FBXL13: variants seen among roughly 807,000 people sequenced by gnomAD.
The protein encoded by FBXL13 is F-box and leucine rich repeat protein 13.
A neutral mutation model predicts 83.6 loss-of-function variants in FBXL13; 67 were observed. That is an observed-to-expected ratio of 0.80 (90% CI 0.66 to 0.98). The LOEUF is 0.98. FBXL13 is among the 50% of genes least tolerant of loss of function. FBXL13 has a pLI of 0.00. For missense variants in FBXL13, 822 were observed against 866.5 expected (o/e 0.95, Z 0.64); for synonymous variants, 272 against 299.5 (o/e 0.91, Z 0.95).
intron 11 of FBXL13, among the ~76,000 whole-genome samples, chr7:102,887,916 A>G (rs1285976840): frequency 6.6e-6 from 1 of 152,186 alleles, no homozygotes; most frequent in Admixed American, 6.5e-5. Flanking sequence ...CAAATTTTCT[A>G]CAGTGACCAT....
At chr7:103,024,249 G>A (rs1259560720) in intron 6 of FBXL13, among the ~76,000 whole-genome samples, 1 of 151,388 alleles carries the variant, frequency 6.6e-6, no homozygotes, top group Non-Finnish European at 1.5e-5. Flanking sequence ...GTCATCAGCC[G>A]GGTGTGGTGG....
chr7:103,024,929 C>T (rs536912969), intron 6 of FBXL13, 134 bp downstream of exon 7: 28 of 288,884 alleles, frequency 9.7e-5, no homozygotes, highest in African/African-American at 2.3e-4. Flanking sequence ...GGTGTGATCT[C>T]GGCTCACTGC....
chr7:103,066,830 T>G lies in FBXL13; in HGVS notation c.-105+7416A>C, dbSNP rs559921837. 6.6e-5 allele frequency among the ~76,000 whole-genome samples: 10 copies of G among 151,784 alleles called. No individual in the cohort carries two copies. The East Asian group carries it at 1.7e-3, about 26-fold the overall frequency. Reference sequence around the variant, plus strand: ...TTTTGAGATGGAGTTTCGCTCTCATTGCCCAGGCTGGAGTGCAATGGCGTG... The same window carrying G: ...TTTTGAGATGGAGTTTCGCTCTCATGGCCCAGGCTGGAGTGCAATGGCGTG... On this transcript the variant is annotated intron_variant, in intron 1 of 19. Transcript: ENST00000313221.
intron 8 of FBXL13, among the ~76,000 whole-genome samples, chr7:102,932,716 A>G (rs1585008391): frequency 1.3e-5 from 2 of 151,962 alleles, no homozygotes; most frequent in African/African-American, 4.8e-5. Context: ...CACTTCAGCA[A>G]CCCCTACTGT....
intron 19 of FBXL13, among the ~76,000 whole-genome samples, chr7:102,821,416 C>T (rs1798795526): frequency 6.6e-6 from 1 of 152,204 alleles, no homozygotes; most frequent in African/African-American, 2.4e-5. Context: ...TGTTCTTCCT[C>T]AGGCCTCAAG....
At chr7:102,832,505 C>A (rs1800887025) in intron 18 of FBXL13, among the ~76,000 whole-genome samples, 1 of 152,234 alleles carries the variant, frequency 6.6e-6, no homozygotes, top group South Asian at 2.1e-4. Flanking sequence ...CTTAATGCAA[C>A]ATTCTTTCAT....
chr7:103,055,204 C>A, intron 2 of FBXL13, 26 bp from the exon 3 acceptor site: 2 of 1,177,010 alleles, frequency 1.7e-6, no homozygotes, highest in Non-Finnish European at 2.2e-6. Context: ...AAAATACAGT[C>A]AAAATTAATT....
intron 19 of FBXL13, among the ~76,000 whole-genome samples, chr7:102,815,044 A>G (rs565802210): frequency 6.6e-6 from 1 of 152,328 alleles, no homozygotes; most frequent in South Asian, 2.1e-4. Context: ...TTACTGAAAT[A>G]TAATACCAAA....
At chr7:103,064,274 G>A (rs1585631232) in intron 1 of FBXL13, among the ~76,000 whole-genome samples, 1 of 152,220 alleles carries the variant, frequency 6.6e-6, no homozygotes, top group African/African-American at 2.4e-5. Context: ...GAAACTGAAT[G>A]CACCGGTTGT....
intron 6 of FBXL13, among the ~76,000 whole-genome samples, chr7:103,022,948 A>G (rs989870001): frequency 6.6e-6 from 1 of 152,194 alleles, no homozygotes; most frequent in Non-Finnish European, 1.5e-5. Flanking sequence ...AATATCCACA[A>G]TCTATAAGGA....
intron 11 of FBXL13, among the ~76,000 whole-genome samples, chr7:102,887,289 G>A (rs1175786218): frequency 6.6e-6 from 1 of 152,142 alleles, no homozygotes; most frequent in African/African-American, 2.4e-5. Flanking sequence ...TTTACACACA[G>A]ACATGACAGT....
chr7:102,832,766 C>T, intron 18 of FBXL13, 74 bp downstream of exon 19: 1 of 1,573,164 alleles, frequency 6.4e-7, no homozygotes. Context: ...TGAGTCCAGC[C>T]CTGATCGCTG....
intron 16 of FBXL13, among the ~76,000 whole-genome samples, chr7:102,862,082 C>T (rs1308116785): frequency 1.3e-5 from 2 of 150,814 alleles, no homozygotes; most frequent in Admixed American, 6.6e-5. Context: ...CAGTGGCTCA[C>T]GCCTGTAATC....
At chr7:102,931,890 T>C in exon 9 of FBXL13, 1 of 1,613,692 alleles carries the variant, frequency 6.2e-7, no homozygotes, top group Non-Finnish European at 8.5e-7. Context: ...CTGTGAATGT[T>C]GGGCAGTCAG....
At chr7:102,846,441 A>G (rs1803970393) in intron 17 of FBXL13, among the ~76,000 whole-genome samples, 1 of 152,176 alleles carries the variant, frequency 6.6e-6, no homozygotes, top group Admixed American at 6.5e-5. Context: ...CAACATGGTG[A>G]AACACCATCT....
intron 8 of FBXL13, among the ~76,000 whole-genome samples, chr7:102,940,943 C>T (rs1292486128): frequency 6.6e-6 from 1 of 152,110 alleles, no homozygotes. Flanking sequence ...ACAACTGTTT[C>T]CCCTGCTTTT....
intron 10 of FBXL13, among the ~76,000 whole-genome samples, chr7:102,915,984 C>CTT (rs1167962491): frequency 2.8e-5 from 4 of 143,954 alleles, no homozygotes; most frequent in Admixed American, 6.9e-5. Context: ...TGAGTTTCTT[C>CTT]TTTTTTTTTT....
At chr7:102,991,331 G>A (rs912601121) in intron 6 of FBXL13, among the ~76,000 whole-genome samples, 4 of 152,150 alleles carry the variant, frequency 2.6e-5, no homozygotes, top group African/African-American at 7.2e-5. Context: ...GGAAGAAAAT[G>A]ATGAGTTCTG....
chr7:102,841,340 C>T (rs534926553), intron 17 of FBXL13, among the ~76,000 whole-genome samples: 40 of 151,906 alleles, frequency 2.6e-4, no homozygotes, highest in Non-Finnish European at 4.4e-4. Flanking sequence ...AGGGCTCCTA[C>T]GGATTATCTT....
Sources: allele counts gnomAD v4.1 joint callset (sites outside exome capture counted in the v4.1 genomes callset), GRCh38; gene constraint gnomAD v4.1.1; transcripts MANE v1.5; gene names NCBI Gene and HGNC (gene_info 2026-07-23, HGNC 2026-07-21).